The following GNA12 variants were observed in gnomAD, a reference collection of about 807,000 sequenced individuals.
The protein encoded by GNA12 is guanine nucleotide-binding protein subunit alpha-12.
In GNA12, 9 loss-of-function variants were observed where a neutral mutation model predicts 26.0. The ratio of observed to expected loss-of-function variants is 0.35; its 90% CI spans 0.21 to 0.60. The LOEUF (loss-of-function observed/expected upper bound fraction) is 0.60, where lower values mean the gene tolerates loss of function less well. Ranked by LOEUF, GNA12 falls within the 20% of genes least tolerant of loss-of-function variation. GNA12 has a pLI of 0.78. For missense variants in GNA12, 405 were observed against 525.8 expected, an observed-to-expected ratio of 0.77 and a Z score of 2.25; for synonymous variants, 264 against 219.6, an observed-to-expected ratio of 1.20 and a Z score of -1.79.
chr7:2,792,200 G>C (rs1253188003), intron 2 of GNA12, among the ~76,000 whole-genome samples: 2 of 152,082 alleles, frequency 1.3e-5, no homozygotes, highest in East Asian at 3.9e-4. Context: ...TGTAGCACCG[G>C]GTCTCACACA....
At position 2,843,868 on chromosome 7, in the gene GNA12, G is replaced by T. The variant is rs148809988; in HGVS notation, c.294C>A (p.Phe98Leu). ...KALLEFRDTI[F>L]DNILKGSRVL... is the part of the protein sequence containing the mutation. ...CGCGCGTCACCTTGAGGATGTTGTCGAAGATGGTGTCGCGGAACTCCAGCA... is the reference window on the plus strand; with the variant it reads ...CGCGCGTCACCTTGAGGATGTTGTCTAAGATGGTGTCGCGGAACTCCAGCA... Residue 98 changes from phenylalanine (F) to leucine (L), a missense_variant, in exon 1 of 4, where the codon TTC becomes TTA. Coordinates refer to ENST00000275364, the MANE Select transcript of GNA12 (RefSeq NM_007353.3). 2.6e-6 allele frequency: 4 copies of T among 1,541,012 alleles called. No individual in the cohort carries two copies. The highest frequency in any genetic ancestry group is 1.9e-5 in the Admixed American group (1 of 52,886).
chr7:2,777,663 G>A (rs1792111952), intron 2 of GNA12, among the ~76,000 whole-genome samples: 1 of 152,144 alleles, frequency 6.6e-6, no homozygotes, highest in Admixed American at 6.5e-5. Flanking sequence ...AAGTCAGGAA[G>A]AGAGCCCTCA....
intron 2 of GNA12, among the ~76,000 whole-genome samples, chr7:2,747,627 C>T (rs1790829798): frequency 6.6e-6 from 1 of 152,208 alleles, no homozygotes; most frequent in African/African-American, 2.4e-5. Context: ...GGGATGCCCT[C>T]TCTCACCACT....
intron 2 of GNA12, among the ~76,000 whole-genome samples, chr7:2,784,605 A>G (rs573118667): frequency 6.6e-6 from 1 of 152,290 alleles, no homozygotes; most frequent in African/African-American, 2.4e-5. Flanking sequence ...ATTCTTTAAA[A>G]TCACTCCCAA....
chr7:2,741,397 G>C (rs1397167402), intron 2 of GNA12, among the ~76,000 whole-genome samples: 1 of 152,080 alleles, frequency 6.6e-6, no homozygotes. Context: ...CTAGGGGTGG[G>C]GAGAGCTCAC....
chr7:2,758,401 G>C (rs1791401390), intron 2 of GNA12, among the ~76,000 whole-genome samples: 1 of 152,176 alleles, frequency 6.6e-6, no homozygotes, highest in Non-Finnish European at 1.5e-5. Context: ...AGGGTGTAAA[G>C]GGCAGACAGT....
intron 2 of GNA12, among the ~76,000 whole-genome samples, chr7:2,779,385 C>T (rs772770686): frequency 1.4e-4 from 22 of 151,798 alleles, no homozygotes; most frequent in Non-Finnish European, 2.8e-4. Flanking sequence ...TGGTGCACAC[C>T]GGTAGTTCTA....
intron 2 of GNA12, among the ~76,000 whole-genome samples, chr7:2,752,836 C>T (rs922790589): frequency 1.3e-5 from 2 of 152,182 alleles, no homozygotes; most frequent in Non-Finnish European, 2.9e-5. Flanking sequence ...GTGGTTACAT[C>T]TGTTGTTCTT....
intron 1 of GNA12, among the ~76,000 whole-genome samples, chr7:2,809,838 T>C: frequency 6.6e-6 from 1 of 152,336 alleles, no homozygotes; most frequent in South Asian, 2.1e-4. Context: ...AATAAATTCA[T>C]AGTAAAATTA....
intron 2 of GNA12, among the ~76,000 whole-genome samples, chr7:2,776,798 G>A (rs1053170492): frequency 2.6e-5 from 4 of 152,072 alleles, no homozygotes; most frequent in Non-Finnish European, 5.9e-5. Flanking sequence ...TAAACCTTAC[G>A]TCGGGGCCAG....
Position 2,759,845 on chromosome 7 carries a change from C to T in GNA12, c.526-26344G>A, listed in dbSNP as rs150502471. ...TTCTGCAACGGGTGCAGATGCCGTC[C>T]AATGCGATTGTCCGCCCCCGTCTCA... On this transcript the variant is annotated intron_variant, in intron 2 of 3. Coordinates refer to ENST00000275364, the MANE Select transcript of GNA12 (RefSeq NM_007353.3). Among the ~76,000 whole-genome samples the T allele has an allele frequency of 4.6e-3, 704 of 152,066 alleles. 2 individuals are homozygous for T. Among genetic ancestry groups the T allele is most frequent in the Non-Finnish European group, 8.3e-3 (565 of 68,018 alleles).
chr7:2,762,983 C>G lies in GNA12; in HGVS notation c.526-29482G>C, dbSNP rs114344492. On this transcript the variant is annotated intron_variant, in intron 2 of 3. Transcript: ENST00000275364. ...GGTCTCCTGCTCCTCAGAAAGAGCC[C>G]TTGTGTGCTACTGTGGTCGCCAACA... 5.8e-4 allele frequency: 774 copies of G among 1,340,920 alleles called. 4 individuals carry two copies. In the African/African-American group the frequency reaches 0.011, roughly 19 times the overall value. 83.1% of individuals were successfully genotyped at this position (1,340,920 alleles called of 1,614,324 possible).
chr7:2,778,266 C>T lies in GNA12; in HGVS notation c.525+16662G>A, dbSNP rs35950515. The stretch of plus-strand genomic sequence containing the variant: ...AATCAAGCATTTCATTTGGCTTAAA[C>T]GCAAAATTCTCACAAAACCTCTCCT... On this transcript the variant is annotated intron_variant, in intron 2 of 3. Coordinates refer to ENST00000275364, the MANE Select transcript of GNA12 (RefSeq NM_007353.3). Among the ~76,000 whole-genome samples, 100 of 152,302 alleles carry T rather than the reference C, an allele frequency of 6.6e-4. 1 individual carries two copies. The highest frequency in any genetic ancestry group is 3.7e-3 in the East Asian group (19 of 5,192).
At position 2,841,905 on chromosome 7, in the gene GNA12, G is replaced by A. The variant is rs186418454; in HGVS notation, c.309+1948C>T. ...TTTCTGGCATGGCAAACTTCTCTCC[G>A]ACTCTGCTTTGAGATGATTGTCCTC... is the stretch of plus-strand genomic sequence containing the variant. On this transcript the variant is annotated intron_variant, in intron 1 of 3. Coordinates refer to ENST00000275364, the MANE Select transcript of GNA12 (RefSeq NM_007353.3). Among the ~76,000 whole-genome samples, 390 of 151,934 alleles carry A rather than the reference G, an allele frequency of 2.6e-3. 1 individual carries two copies. The highest frequency in any genetic ancestry group is 4.5e-3 in the Admixed American group (68 of 15,258).
chr7:2,744,148 C>T lies in GNA12; in HGVS notation c.526-10647G>A, dbSNP rs540602928. On this transcript the variant is annotated intron_variant, in intron 2 of 3. Coordinates refer to ENST00000275364, the MANE Select transcript of GNA12 (RefSeq NM_007353.3). ...TAACCTCTGCAGACTTAAATGTCCC[C>T]GTCTGACAGCTTTGAAGAGAGTAGT... Among the ~76,000 whole-genome samples, 1,182 of 152,300 alleles carry T rather than the reference C, an allele frequency of 7.8e-3. 12 individuals are homozygous for T. Among genetic ancestry groups the T allele is most frequent in the African/African-American group, 0.024 (1,002 of 41,556 alleles).
At chr7:2,814,009 T>G (rs1338080188) in intron 1 of GNA12, among the ~76,000 whole-genome samples, 2 of 152,144 alleles carry the variant, frequency 1.3e-5, no homozygotes, top group African/African-American at 2.4e-5. Context: ...ATTTCCTGCC[T>G]CGCCGCCGGA....
intron 2 of GNA12, among the ~76,000 whole-genome samples, chr7:2,772,357 C>T (rs776172799): frequency 2.6e-5 from 4 of 152,046 alleles, no homozygotes; most frequent in Admixed American, 1.3e-4. Flanking sequence ...GTCAGGAGCT[C>T]GAGACCATCC....
intron 2 of GNA12, among the ~76,000 whole-genome samples, chr7:2,780,811 A>AT (rs1469001114): frequency 6.6e-6 from 1 of 152,158 alleles, no homozygotes; most frequent in Non-Finnish European, 1.5e-5. Context: ...GAACATTTGG[A>AT]TTTTTTCAAT....
intron 1 of GNA12, among the ~76,000 whole-genome samples, chr7:2,820,474 T>C (rs1244034939): frequency 6.8e-6 from 1 of 147,826 alleles, no homozygotes; most frequent in African/African-American, 2.5e-5. Context: ...TTTGGGAGGC[T>C]GAGGTGAGAG....
Sources: allele counts gnomAD v4.1 joint callset (sites outside exome capture counted in the v4.1 genomes callset), GRCh38; gene constraint gnomAD v4.1.1; transcripts MANE v1.5; gene names NCBI Gene and HGNC (gene_info 2026-07-23, HGNC 2026-07-21).